Variants in ROBO2 observed in about 807,000 individuals in gnomAD.
ROBO2 encodes the protein roundabout guidance receptor 2, also known as roundabout homolog 2.
A neutral mutation model predicts 160.8 loss-of-function variants in ROBO2; 53 were observed. That is an observed-to-expected ratio of 0.33 (90% CI 0.26 to 0.41). ROBO2 has a LOEUF of 0.41. ROBO2 is among the 10% of genes least tolerant of loss of function. ROBO2 has a pLI of 1.00. For synonymous variants in ROBO2, 664 were observed against 611.7 expected, an observed-to-expected ratio of 1.09 and a Z score of -1.26; for missense variants, 1,577 against 1,722.4, an observed-to-expected ratio of 0.92 and a Z score of 1.49.
chr3:76,621,058 T>C (rs906933404), intron 2 of ROBO2, among the ~76,000 whole-genome samples: 20 of 151,996 alleles, frequency 1.3e-4, no homozygotes, highest in African/African-American at 4.8e-4. Flanking sequence ...GAAGGGGACA[T>C]ACAAAAGTTT....
chr3:76,311,001 A>G (rs867252393), intron 2 of ROBO2: 16 of 152,294 alleles, frequency 1.1e-4, no homozygotes, highest in African/African-American at 3.6e-4. Context: ...ATCATTTTCA[A>G]TCAAGCTCAC....
intron 2 of ROBO2, among the ~76,000 whole-genome samples, chr3:76,727,769 TA>T (rs771762527): frequency 4.0e-5 from 6 of 151,874 alleles, no homozygotes; most frequent in Non-Finnish European, 7.4e-5. Flanking sequence ...AAATGGATAG[TA>T]AAGAGAAAGT....
chr3:76,757,608 T>TA (rs5850288), intron 2 of ROBO2, among the ~76,000 whole-genome samples: 124,890 of 151,342 alleles, frequency 0.83, 51,622 homozygotes, highest in Admixed American at 0.85. Context: ...AGTGGTTTAT[T>TA]TTTTTTTTAA....
intron 14 of ROBO2, among the ~76,000 whole-genome samples, chr3:77,576,853 A>C (rs567086114): frequency 3.8e-4 from 58 of 152,298 alleles, no homozygotes; most frequent in Admixed American, 3.8e-3. Flanking sequence ...TATGGGAAGA[A>C]AAAGAAGTTT....
intron 2 of ROBO2, among the ~76,000 whole-genome samples, chr3:76,603,351 AATATATATATATATAT>A (rs71104603): frequency 2.3e-4 from 6 of 26,406 alleles, no homozygotes; most frequent in Admixed American, 1.1e-3. Context: ...AAAAAAAAAA[AATATATATATATATAT>A]ATATATATAT....
In ROBO2 at chr3:77,240,357, G is replaced by C. The variant is rs576478222; in HGVS notation, c.388+142017G>C. On this transcript the variant is annotated intron_variant, in intron 2 of 25. Coordinates refer to ENST00000461745, the Ensembl canonical transcript of ROBO2. ...GCTAAGCCCCTCACTGCCCGGAGCCGTCAGTGCCAGTCGCCCGCTCCGAGT... is the reference window on the plus strand; with the variant it reads ...GCTAAGCCCCTCACTGCCCGGAGCCCTCAGTGCCAGTCGCCCGCTCCGAGT... Among the ~76,000 whole-genome samples the C allele has an allele frequency of 1.3e-5, 2 of 152,136 alleles. 1 individual carries two copies. Among genetic ancestry groups the C allele is most frequent in the South Asian group, 4.1e-4 (2 of 4,826 alleles).
At chr3:76,434,598 A>G in intron 2 of ROBO2, 2 of 1,562,630 alleles carry the variant, frequency 1.3e-6, no homozygotes, top group South Asian at 2.2e-5. Context: ...AAGGAGTTCC[A>G]TACCACTGGA....
chr3:75,976,413 A>G (rs1237834530), intron 2 of ROBO2, among the ~76,000 whole-genome samples: 1 of 151,598 alleles, frequency 6.6e-6, no homozygotes, highest in East Asian at 2.0e-4. Context: ...ATGACTCTCC[A>G]AAATACAGTG....
At chr3:76,472,465 C>G (rs538453471) in intron 2 of ROBO2, among the ~76,000 whole-genome samples, 54 of 152,152 alleles carry the variant, frequency 3.5e-4, no homozygotes, top group African/African-American at 1.1e-3. Flanking sequence ...AATCCTCATC[C>G]TACTATCTAT....
rs549095424 is a variant in ROBO2 at position 76,215,749 on chromosome 3, C to T, written c.109+278147C>T. The stretch of plus-strand genomic sequence containing the variant: ...GGAAAACTCTCTTCAGGTTATTATC[C>T]AGGAGAACTTCCCCAATCTAGCAAG... On this transcript the variant is annotated intron_variant, in intron 2 of 26. Transcript: ENST00000487694. 3.3e-5 allele frequency among the ~76,000 whole-genome samples: 5 copies of T among 152,226 alleles called. No homozygotes were observed. In the South Asian group the frequency reaches 1.0e-3, roughly 32 times the overall value.
intron 2 of ROBO2, among the ~76,000 whole-genome samples, chr3:76,462,821 A>T (rs2078159135): frequency 6.6e-6 from 1 of 152,192 alleles, no homozygotes; most frequent in African/African-American, 2.4e-5. Context: ...GTCACTGGTT[A>T]AATTTTCTTC....
At chr3:76,083,729 T>G (rs900893970) in intron 2 of ROBO2, among the ~76,000 whole-genome samples, 1 of 152,146 alleles carries the variant, frequency 6.6e-6, no homozygotes, top group African/African-American at 2.4e-5. Flanking sequence ...TGTACTTATT[T>G]CCCGTTTGAA....
intron 23 of ROBO2, chr3:77,631,643 G>A (rs942716749): frequency 3.3e-5 from 5 of 151,976 alleles, no homozygotes; most frequent in Non-Finnish European, 7.4e-5. Flanking sequence ...TGACTTGCTA[G>A]AAAATTAAGA....
At chr3:76,422,323 C>G (rs1164111285) in intron 2 of ROBO2, among the ~76,000 whole-genome samples, 1 of 152,132 alleles carries the variant, frequency 6.6e-6, no homozygotes, top group Non-Finnish European at 1.5e-5. Context: ...GGGCTCCAGA[C>G]CCTTGTTTAG....
At chr3:77,518,867 T>A (rs1028330474) in intron 5 of ROBO2, among the ~76,000 whole-genome samples, 4 of 151,530 alleles carry the variant, frequency 2.6e-5, no homozygotes, top group Non-Finnish European at 5.9e-5. Flanking sequence ...AACTTCTTTT[T>A]ACTCCAAAGC....
chr3:76,028,835 TA>T (rs2066827623), intron 2 of ROBO2, among the ~76,000 whole-genome samples: 1 of 151,888 alleles, frequency 6.6e-6, no homozygotes, highest in Non-Finnish European at 1.5e-5. Context: ...AATTTTTACA[TA>T]AAAAAAGGCC....
chr3:76,358,651 C>T (rs953025505), intron 2 of ROBO2, among the ~76,000 whole-genome samples: 3 of 151,864 alleles, frequency 2.0e-5, no homozygotes, highest in South Asian at 2.1e-4. Flanking sequence ...GAATTGACAA[C>T]GAGTAATTAC....
At chr3:75,966,345 A>G (rs1193192481) in intron 2 of ROBO2, among the ~76,000 whole-genome samples, 1 of 151,768 alleles carries the variant, frequency 6.6e-6, no homozygotes, top group African/African-American at 2.4e-5. Flanking sequence ...TCCCTATACA[A>G]TAGTCACAGT....
chr3:77,530,264 T>C (rs1321382525), intron 6 of ROBO2, among the ~76,000 whole-genome samples: 1 of 151,950 alleles, frequency 6.6e-6, no homozygotes, highest in Non-Finnish European at 1.5e-5. Flanking sequence ...TGCCTAGAGC[T>C]TTTGAATGAA....
Sources: gnomAD v4.1 joint callset for allele counts (sites outside exome capture counted in the v4.1 genomes callset) on GRCh38, gnomAD v4.1.1 for gene constraint, MANE v1.5 for transcripts, NCBI Gene and HGNC (gene_info 2026-07-23, HGNC 2026-07-21) for gene names.